The following SLC1A6 variants were observed in gnomAD, a reference collection of about 807,000 sequenced individuals.
SLC1A6 encodes excitatory amino acid transporter 4.
Under a neutral mutation model 42.1 loss-of-function variants are expected in SLC1A6, and 15 were observed. That is an observed-to-expected ratio of 0.36 (90% confidence interval 0.24 to 0.55). SLC1A6 has a LOEUF of 0.55. Among genes scored for constraint, SLC1A6 ranks in the 20% least tolerant of loss-of-function variants. SLC1A6 has a pLI of 0.88. For synonymous variants in SLC1A6, 317 were observed against 319.7 expected, an observed-to-expected ratio of 0.99 and a Z score of 0.09; for missense variants, 542 against 772.5, an observed-to-expected ratio of 0.70 and a Z score of 3.54.
intron 6 of SLC1A6, among the ~76,000 whole-genome samples, chr19:14,958,373 T>A: frequency 6.6e-6 from 1 of 151,078 alleles, no homozygotes; most frequent in African/African-American, 2.4e-5. Context: ...ATCACATCAC[T>A]GCACTCCAGC....
intron 6 of SLC1A6, among the ~76,000 whole-genome samples, chr19:14,959,585 A>G (rs570341992): frequency 7.2e-5 from 11 of 152,280 alleles, no homozygotes; most frequent in Non-Finnish European, 1.5e-4. Flanking sequence ...CAACTTTCCA[A>G]TTGTTTGGGA....
At chr19:14,973,198 C>G (rs2045665676) in intron 1 of SLC1A6, 1 of 452,350 alleles carries the variant, frequency 2.2e-6, no homozygotes, top group Non-Finnish European at 3.9e-6. Flanking sequence ...CCCAAGAGTT[C>G]AAGGTTACAG....
At chr19:14,995,788 A>T (rs2045843224) in intron 1 of SLC1A6, among the ~76,000 whole-genome samples, 1 of 152,216 alleles carries the variant, frequency 6.6e-6, no homozygotes. Context: ...ATTTGACATT[A>T]AAAAAGTAAA....
Position 14,972,883 on chromosome 19 carries a change from G to A in SLC1A6, c.28C>T (p.Leu10=), listed in dbSNP as rs752948412. 6.9e-6 allele frequency: 11 copies of A among 1,595,134 alleles called. No homozygotes were observed. The highest frequency in any genetic ancestry group is 4.5e-5 in the South Asian group (4 of 88,678). The part of the protein sequence containing the change: MSSHGNSLF[L]RESGQRLGRV... ...CCCAGCCGCTGGCCGCTCTCCCGCAGGAACAGGCTGTTGCCATGGCTGCTC... is the reference window on the plus strand; with the variant it reads ...CCCAGCCGCTGGCCGCTCTCCCGCAAGAACAGGCTGTTGCCATGGCTGCTC... The change falls in exon 2 of 10, where the codon CTG becomes TTG. Residue 10 remains leucine, a synonymous_variant. Coordinates refer to ENST00000594383, the MANE Select transcript of SLC1A6 (RefSeq NM_005071.3).
chr19:15,008,463 G>A (rs1347164452), intron 1 of SLC1A6, among the ~76,000 whole-genome samples: 1 of 152,128 alleles, frequency 6.6e-6, no homozygotes, highest in Admixed American at 6.5e-5. Flanking sequence ...TGTTGGTGGG[G>A]ATGCAAATTA....
chr19:15,008,993 T>C (rs963417733), intron 1 of SLC1A6, among the ~76,000 whole-genome samples: 1 of 151,280 alleles, frequency 6.6e-6, no homozygotes, highest in Non-Finnish European at 1.5e-5. Flanking sequence ...TGAGATCTTG[T>C]CTCAAATATA....
At chr19:14,953,151 T>A in intron 8 of SLC1A6, 89 bp from the exon 9 acceptor site, 5 of 974,004 alleles carry the variant, frequency 5.1e-6, no homozygotes, top group Non-Finnish European at 7.9e-6. Flanking sequence ...AGGGAAGAGA[T>A]CAGCTCCCCA....
chr19:15,010,111 G>T (rs200019483), intron 1 of SLC1A6, among the ~76,000 whole-genome samples: 1 of 149,892 alleles, frequency 6.7e-6, no homozygotes, highest in Non-Finnish European at 1.5e-5. Flanking sequence ...TCTTGAACCC[G>T]AGAGGTGAAG....
chr19:14,963,517 C>T (rs562558988), intron 5 of SLC1A6, among the ~76,000 whole-genome samples: 1 of 152,234 alleles, frequency 6.6e-6, no homozygotes, highest in East Asian at 1.9e-4. Flanking sequence ...TTGATTGAGC[C>T]ACTCCACAAT....
At chr19:14,969,925 G>A (rs746901704) in intron 3 of SLC1A6, among the ~76,000 whole-genome samples, 5 of 152,022 alleles carry the variant, frequency 3.3e-5, no homozygotes, top group Non-Finnish European at 7.4e-5. Context: ...GTACACTTAT[G>A]CATGGAGTTT....
chr19:14,961,123 T>A (rs753048747), intron 6 of SLC1A6, among the ~76,000 whole-genome samples: 37 of 151,866 alleles, frequency 2.4e-4, no homozygotes, highest in Non-Finnish European at 4.4e-4. Flanking sequence ...CCCAGGCTGG[T>A]CTCAAATTCC....
chr19:14,975,846 AAAGGG>A lies in SLC1A6; in HGVS notation c.-7-2934_-7-2930del, dbSNP rs750451462. ...CAAAGGGAAGGGAAGGGAAGGGGAC[AAAGGG>A]AAGGGAAGGGAAGGGAAGGAAAGGG... On this transcript the variant is annotated intron_variant, in intron 1 of 9. Coordinates refer to ENST00000594383, the MANE Select transcript of SLC1A6 (RefSeq NM_005071.3). 1.7e-3 allele frequency among the ~76,000 whole-genome samples: 162 copies of A among 97,488 alleles called. 2 individuals are homozygous for A. Among genetic ancestry groups the A allele is most frequent in the African/African-American group, 4.6e-3 (109 of 23,478 alleles). The allele number at this position is 97,488 out of a possible 152,430, so 64.0% of individuals were successfully genotyped here. A position where few individuals can be genotyped will look rare whatever the true frequency, so the allele number is the denominator to read the frequency against.
In SLC1A6 at chr19:14,962,000, A is replaced by G. The variant is rs757017518; in HGVS notation, c.935+2T>C. 6.2e-7 allele frequency: 1 copy of G among 1,612,286 alleles called. No homozygotes were observed. The highest frequency in any genetic ancestry group is 1.1e-5 in the South Asian group (1 of 90,848). ...ATCCCGTGGGCACAGACCAGGACTC[A>G]CCAGATAATGATGCCCACCAGCCTC... is the stretch of plus-strand genomic sequence containing the variant. On this transcript the variant is annotated splice_donor_variant, in intron 6 of 9. Transcript: ENST00000594383. LOFTEE classifies it high-confidence loss of function.
At chr19:15,001,803 A>T (rs1265712407) in intron 1 of SLC1A6, among the ~76,000 whole-genome samples, 1 of 152,040 alleles carries the variant, frequency 6.6e-6, no homozygotes, top group African/African-American at 2.4e-5. Flanking sequence ...CTGGAACCAC[A>T]GGCACACACC....
chr19:14,978,152 C>T (rs1214448729), intron 1 of SLC1A6: 1 of 152,220 alleles, frequency 6.6e-6, no homozygotes, highest in African/African-American at 2.4e-5. Context: ...AATGTCCCTT[C>T]TAGTGTTCCC....
chr19:14,976,226 C>T (rs1192750313), intron 1 of SLC1A6, among the ~76,000 whole-genome samples: 1 of 152,190 alleles, frequency 6.6e-6, no homozygotes, highest in Non-Finnish European at 1.5e-5. Flanking sequence ...TCTGCACTGG[C>T]ATGTTTCATC....
intron 1 of SLC1A6, among the ~76,000 whole-genome samples, chr19:14,989,318 A>G (rs557475950): frequency 6.6e-6 from 1 of 152,142 alleles, no homozygotes; most frequent in South Asian, 2.1e-4. Context: ...CTGGAGTGCA[A>G]TGGCGTGATC....
intron 6 of SLC1A6, among the ~76,000 whole-genome samples, chr19:14,959,923 T>C (rs547754222): frequency 1.4e-3 from 211 of 152,348 alleles, no homozygotes; most frequent in African/African-American, 4.7e-3. Context: ...GTTCCTTTAC[T>C]ACAGAACCTA....
chr19:14,968,259 T>G, intron 4 of SLC1A6, 44 bp downstream of exon 4: 2 of 1,437,214 alleles, frequency 1.4e-6, no homozygotes, highest in Non-Finnish European at 1.9e-6. Context: ...AAATAAAGTC[T>G]CCTTTTTCAA....
Sources: allele counts gnomAD v4.1 joint callset (sites outside exome capture counted in the v4.1 genomes callset), GRCh38; gene constraint gnomAD v4.1.1; transcripts MANE v1.5; gene names NCBI Gene and HGNC (gene_info 2026-07-23, HGNC 2026-07-21).